Variants in CDA observed in about 807,000 individuals in gnomAD.
CDA encodes the protein cytidine deaminase.
CDA carries 7 observed loss-of-function variants against 15.0 expected under a neutral mutation model. The ratio of observed to expected loss-of-function variants is 0.47; its 90% CI spans 0.26 to 0.87. The LOEUF (loss-of-function observed/expected upper bound fraction) is 0.87. Among genes scored for constraint, CDA ranks in the 40% least tolerant of loss-of-function variants. The pLI, the probability that CDA is intolerant of heterozygous loss-of-function variation, is 0.15. For synonymous variants in CDA, 58 were observed against 73.0 expected (o/e 0.79, Z 1.05); for missense variants, 159 against 182.7 (o/e 0.87, Z 0.75).
intron 2 of CDA, among the ~76,000 whole-genome samples, 153 bp from the exon 3 acceptor site, chr1:20,613,689 C>T (rs546584311): frequency 6.6e-6 from 1 of 152,174 alleles, no homozygotes; most frequent in Non-Finnish European, 1.5e-5. Context: ...GTGGCCTTCT[C>T]AGCCTTCAGG....
intron 3 of CDA, among the ~76,000 whole-genome samples, chr1:20,615,825 A>G (rs1165018458): frequency 6.6e-6 from 1 of 152,028 alleles, no homozygotes; most frequent in Non-Finnish European, 1.5e-5. Flanking sequence ...ACATAGTAAA[A>G]CCCGGTCCCT....
intron 1 of CDA, among the ~76,000 whole-genome samples, chr1:20,602,835 C>A (rs993640165): frequency 2.0e-5 from 3 of 152,228 alleles, no homozygotes; most frequent in African/African-American, 4.8e-5. Flanking sequence ...AAATGCCACA[C>A]CCAGAGATCC....
chr1:20,610,551 G>C (rs958994656), intron 2 of CDA, among the ~76,000 whole-genome samples: 2 of 151,648 alleles, frequency 1.3e-5, no homozygotes, highest in Non-Finnish European at 2.9e-5. Flanking sequence ...CACCCACCTC[G>C]GCCTCCCAAA....
chr1:20,605,101 C>A (rs901700707), intron 2 of CDA, 62 bp downstream of exon 2: 3 of 972,682 alleles, frequency 3.1e-6, no homozygotes, highest in Non-Finnish European at 4.9e-6. Flanking sequence ...ATCTTCCTTA[C>A]ACATATTATT....
In CDA at chr1:20,610,261, C is replaced by CTTTTTT. The variant is rs760754305; in HGVS notation, c.267-3574_267-3569dup. ...CTGGCACATTCTAGGCACACATTAT[C>CTTTTTT]TTTTTTTTTTTTATTTTATTTTATT... On this transcript the variant is annotated intron_variant, in intron 2 of 3. Coordinates refer to ENST00000375071, the MANE Select transcript of CDA (RefSeq NM_001785.3). Among the ~76,000 whole-genome samples the CTTTTTT allele has an allele frequency of 2.1e-3, 134 of 62,850 alleles. 6 individuals carry two copies. Among genetic ancestry groups the CTTTTTT allele is most frequent in the Middle Eastern group, 0.011 (1 of 94 alleles). The allele number at this position is 62,850 out of a possible 152,430, so 41.2% of individuals were successfully genotyped here.
At position 20,589,229 on chromosome 1, in the gene CDA, A is replaced by G. The variant is rs1403903051; in HGVS notation, c.100A>G (p.Ser34Gly). 2 of 1,613,736 alleles carry G rather than the reference A, an allele frequency of 1.2e-6. No individual in the cohort carries two copies. The highest frequency in any genetic ancestry group is 1.3e-5 in the African/African-American group (1 of 74,912). The change falls in exon 1 of 4, where the codon AGT becomes GGT. Residue 34 changes from serine (S) to glycine (G), a missense_variant. Ser to Gly is a moderately conservative substitution (Grantham distance 56, BLOSUM62 0). Coordinates refer to ENST00000375071, the MANE Select transcript of CDA (RefSeq NM_001785.3). Reference protein sequence around the residue: ...EAKKSAYCPYSHFPVGAALLT... With the variant: ...EAKKSAYCPYGHFPVGAALLT... The stretch of plus-strand genomic sequence containing the variant: ...CAAGAAGTCAGCCTACTGCCCCTAC[A>G]GTCACTTTCCTGTGGGGGCTGCCCT...
At chr1:20,600,777 G>A (rs1318256099) in intron 1 of CDA, among the ~76,000 whole-genome samples, 1 of 150,010 alleles carries the variant, frequency 6.7e-6, no homozygotes. Context: ...AAAGAAAAGA[G>A]AAGAAAAAGA....
intron 1 of CDA, among the ~76,000 whole-genome samples, chr1:20,602,169 G>A (rs137869861): frequency 6.7e-6 from 1 of 149,484 alleles, no homozygotes; most frequent in African/African-American, 2.5e-5. Flanking sequence ...GGGAGGGGAG[G>A]GGAGGGGAGG....
At chr1:20,598,676 CTCT>C (rs752877064) in intron 1 of CDA, among the ~76,000 whole-genome samples, 185 of 152,298 alleles carry the variant, frequency 1.2e-3, no homozygotes, top group Middle Eastern at 0.01. Context: ...GTTTAAGAGT[CTCT>C]TCTTCTTCTT....
At chr1:20,595,202 G>A (rs781261223) in intron 1 of CDA, among the ~76,000 whole-genome samples, 1 of 152,090 alleles carries the variant, frequency 6.6e-6, no homozygotes, top group Non-Finnish European at 1.5e-5. Flanking sequence ...TAGGGAAAAA[G>A]CCACTTTACT....
intron 1 of CDA, among the ~76,000 whole-genome samples, chr1:20,597,696 T>G (rs1484385872): frequency 1.3e-5 from 2 of 152,196 alleles, no homozygotes; most frequent in African/African-American, 4.8e-5. Context: ...TATCTTATTA[T>G]TATGGATTTC....
In CDA at chr1:20,605,022, G is replaced by A. The variant is rs1370145929; in HGVS notation, c.249G>A (p.Arg83=). 2.5e-6 allele frequency: 4 copies of A among 1,611,870 alleles called. No individual in the cohort carries two copies. Among genetic ancestry groups the A allele is most frequent in the Non-Finnish European group, 3.4e-6 (4 of 1,178,114 alleles). The part of the protein sequence containing the change: ...KAVSEGYKDF[R]AIAIASDMQD... ...TCTCAGAAGGGTACAAGGATTTCAGGGCAATTGCTATCGCCAGGTGAGTGG... is the reference window on the plus strand; with the variant it reads ...TCTCAGAAGGGTACAAGGATTTCAGAGCAATTGCTATCGCCAGGTGAGTGG... The change falls in exon 2 of 4, where the codon AGG becomes AGA. Residue 83 remains arginine, a synonymous_variant. Coordinates refer to ENST00000375071, the MANE Select transcript of CDA (RefSeq NM_001785.3).
At chr1:20,609,411 G>C (rs1274605264) in intron 2 of CDA, among the ~76,000 whole-genome samples, 1 of 152,160 alleles carries the variant, frequency 6.6e-6, no homozygotes, top group Admixed American at 6.5e-5. Flanking sequence ...GCGCGAACCT[G>C]GGAGGCAGAG....
intron 1 of CDA, among the ~76,000 whole-genome samples, chr1:20,592,080 C>T (rs913818959): frequency 6.6e-6 from 1 of 152,096 alleles, no homozygotes; most frequent in Non-Finnish European, 1.5e-5. Flanking sequence ...AGGTGATCCA[C>T]CCGCCTCAGC....
At chr1:20,598,151 G>A (rs7513317) in intron 1 of CDA, among the ~76,000 whole-genome samples, 7 of 152,242 alleles carry the variant, frequency 4.6e-5, no homozygotes, top group South Asian at 2.1e-4. Flanking sequence ...ACAGGGTCTC[G>A]CTATGTTTAA....
chr1:20,612,002 A>G (rs1483122692), intron 2 of CDA, among the ~76,000 whole-genome samples: 1 of 151,906 alleles, frequency 6.6e-6, no homozygotes, highest in African/African-American at 2.4e-5. Flanking sequence ...TGCTGGGACT[A>G]CAGGCCTGCA....
At chr1:20,592,238 C>T (rs931071148) in intron 1 of CDA, among the ~76,000 whole-genome samples, 56 of 152,256 alleles carry the variant, frequency 3.7e-4, no homozygotes, top group Non-Finnish European at 7.3e-4. Flanking sequence ...CACGACACGG[C>T]ATGGCAGGCA....
rs985688422 is a variant in CDA at position 20,613,939 on chromosome 1, C to A, written c.324+40C>A. The A allele has an allele frequency of 3.1e-6, 5 of 1,594,496 alleles. No homozygotes were observed. In the African/African-American group the frequency reaches 5.4e-5, roughly 17 times the overall value. On this transcript the variant is annotated intron_variant, in intron 3 of 3. Coordinates refer to ENST00000375071, the MANE Select transcript of CDA (RefSeq NM_001785.3). ...TTGCTGTCTGGAATGCAAATATCTTCCCTGTCGCAGGCTATGGGAGCCACG... is the reference window on the plus strand; with the variant it reads ...TTGCTGTCTGGAATGCAAATATCTTACCTGTCGCAGGCTATGGGAGCCACG...
intron 3 of CDA, among the ~76,000 whole-genome samples, chr1:20,614,621 A>T (rs1234297222): frequency 6.6e-6 from 1 of 152,248 alleles, no homozygotes; most frequent in Non-Finnish European, 1.5e-5. Flanking sequence ...AGAAATATAA[A>T]TAATGAGGAA....
Sources: gnomAD v4.1 joint callset for allele counts (sites outside exome capture counted in the v4.1 genomes callset) on GRCh38, gnomAD v4.1.1 for gene constraint, MANE v1.5 for transcripts, NCBI Gene and HGNC (gene_info 2026-07-23, HGNC 2026-07-21) for gene names.